PCCA: variants seen among roughly 807,000 people sequenced by gnomAD.
The protein encoded by PCCA is propionyl-CoA carboxylase subunit alpha, also known as propionyl-CoA carboxylase alpha chain, mitochondrial.
Under a neutral mutation model 101.3 loss-of-function variants are expected in PCCA, and 74 were observed. That is an observed-to-expected ratio of 0.73 (90% CI 0.61 to 0.89). The LOEUF (loss-of-function observed/expected upper bound fraction) is 0.89, where lower values mean the gene tolerates loss of function less well. Among genes scored for constraint, PCCA ranks in the 40% least tolerant of loss-of-function variants. The pLI, the probability that PCCA is intolerant of heterozygous loss-of-function variation, is 0.00. For synonymous variants in PCCA, 294 were observed against 313.6 expected, an observed-to-expected ratio of 0.94 and a Z score of 0.66; for missense variants, 891 against 907.0, an observed-to-expected ratio of 0.98 and a Z score of 0.23.
Position 100,301,567 on chromosome 13 carries a change from C to T in PCCA, c.1173C>T (p.Ile391=). 1.2e-6 allele frequency: 2 copies of T among 1,614,062 alleles called. No individual in the cohort carries two copies. Among genetic ancestry groups the T allele is most frequent in the Non-Finnish European group, 1.7e-6 (2 of 1,179,976 alleles). Residue 391 remains isoleucine (I), a synonymous_variant, in exon 13 of 24, where the codon ATC becomes ATT. Transcript: ENST00000376285. ...GGCACAAACAAGCTGATATTCGCAT[C>T]AACGGCTGGGCAGTTGAATGTCGGG... ...PLRHKQADIR[I]NGWAVECRVY...
chr13:100,510,441 T>C (rs1210140832), intron 21 of PCCA, among the ~76,000 whole-genome samples: 3 of 152,216 alleles, frequency 2.0e-5, no homozygotes, highest in Non-Finnish European at 2.9e-5. Context: ...TAAGTGTTTG[T>C]CCTAATTCAT....
chr13:100,458,361 T>C (rs1285275557), intron 21 of PCCA, among the ~76,000 whole-genome samples: 3 of 101,376 alleles, frequency 3.0e-5, no homozygotes, highest in Non-Finnish European at 5.7e-5. Flanking sequence ...ACCCCATCTC[T>C]ACACACACAC....
At chr13:100,204,976 CT>C (rs1250997744) in intron 6 of PCCA, among the ~76,000 whole-genome samples, 1 of 151,852 alleles carries the variant, frequency 6.6e-6, no homozygotes, top group Non-Finnish European at 1.5e-5. Flanking sequence ...AAATGAATCA[CT>C]TTAATGATGA....
intron 5 of PCCA, among the ~76,000 whole-genome samples, chr13:100,155,408 A>G (rs1301518985): frequency 6.6e-6 from 1 of 152,276 alleles, no homozygotes. Context: ...TTTCCGTGTA[A>G]TAAGAGCATT....
chr13:100,447,044 A>G (rs922629904), intron 20 of PCCA, among the ~76,000 whole-genome samples: 1 of 152,046 alleles, frequency 6.6e-6, no homozygotes, highest in African/African-American at 2.4e-5. Context: ...GTTCAGCTTT[A>G]TTTTTCTGCC....
intron 21 of PCCA, chr13:100,491,142 T>C (rs924040710): frequency 6.6e-6 from 1 of 152,348 alleles, no homozygotes; most frequent in Non-Finnish European, 1.5e-5. Context: ...TAGTCACTCA[T>C]GTGATTGGTT....
intron 6 of PCCA, chr13:100,198,511 C>G (rs1299546696): frequency 7.5e-6 from 1 of 133,192 alleles, no homozygotes; most frequent in African/African-American, 2.7e-5. Flanking sequence ...TTCATTCATT[C>G]ATTTTTGAGA....
chr13:100,369,643 G>A lies in PCCA; in HGVS notation c.1746+1069G>A, dbSNP rs191630373. ...CTCCTTGGTTTTCTTTAAATGTTGTGATTCACTGTATACGCCAAAATTGCT... is the reference window on the plus strand; with the variant it reads ...CTCCTTGGTTTTCTTTAAATGTTGTAATTCACTGTATACGCCAAAATTGCT... On this transcript the variant is annotated intron_variant, in intron 19 of 23. Transcript: ENST00000376285. Among the ~76,000 whole-genome samples, 34 of 152,222 alleles carry A rather than the reference G, an allele frequency of 2.2e-4. No individual in the cohort carries two copies. The East Asian group carries it at 5.4e-3, about 24-fold the overall frequency.
chr13:100,416,708 A>G (rs1174632986), intron 19 of PCCA, among the ~76,000 whole-genome samples: 1 of 151,978 alleles, frequency 6.6e-6, no homozygotes, highest in Non-Finnish European at 1.5e-5. Context: ...TATTTTTAGT[A>G]GAGACGGGGT....
intron 21 of PCCA, among the ~76,000 whole-genome samples, chr13:100,474,653 T>A (rs955947026): frequency 2.6e-5 from 4 of 152,052 alleles, no homozygotes; most frequent in African/African-American, 9.7e-5. Flanking sequence ...GCCTGGTTAA[T>A]TTTTTAGGTA....
intron 4 of PCCA, among the ~76,000 whole-genome samples, chr13:100,139,585 T>G (rs2051614569): frequency 6.6e-6 from 1 of 152,126 alleles, no homozygotes; most frequent in African/African-American, 2.4e-5. Flanking sequence ...TGGTTTCTTT[T>G]TACAAATTCT....
chr13:100,227,695 T>C (rs1322408422), intron 7 of PCCA, among the ~76,000 whole-genome samples: 2 of 152,220 alleles, frequency 1.3e-5, no homozygotes, highest in Non-Finnish European at 2.9e-5. Flanking sequence ...CTTCAGAACC[T>C]GAGTGTGCCT....
At chr13:100,212,340 T>C (rs998125922) in intron 7 of PCCA, among the ~76,000 whole-genome samples, 1 of 152,120 alleles carries the variant, frequency 6.6e-6, no homozygotes, top group Non-Finnish European at 1.5e-5. Context: ...ATATGTGGAG[T>C]AGACTCAACT....
At chr13:100,166,309 C>T (rs1566619311) in intron 6 of PCCA, among the ~76,000 whole-genome samples, 1 of 151,982 alleles carries the variant, frequency 6.6e-6, no homozygotes, top group Non-Finnish European at 1.5e-5. Context: ...ACTTCATTCC[C>T]TGTTTTGTTT....
intron 6 of PCCA, among the ~76,000 whole-genome samples, chr13:100,159,995 A>T (rs79666603): frequency 0.019 from 2,831 of 152,252 alleles, 96 homozygotes; most frequent in African/African-American, 0.065. Flanking sequence ...TTTGTGCTTT[A>T]TCTGATACAT....
In PCCA at chr13:100,530,299, G is replaced by C; in HGVS notation, c.*133G>C. 1.3e-6 allele frequency: 1 copy of C among 765,054 alleles called. No individual in the cohort carries two copies. The highest frequency in any genetic ancestry group is 2.3e-6 in the Non-Finnish European group (1 of 433,430). 47.4% of individuals were successfully genotyped at this position (765,054 alleles called of 1,614,324 possible). On this transcript the variant is annotated 3_prime_UTR_variant, in exon 24 of 24. Coordinates refer to ENST00000376285, the MANE Select transcript of PCCA (RefSeq NM_000282.4). ...TTTACGTCGTCATTTATTCCACAGA[G>C]TCAAGACCAATATTCTGCCAAAAAA... is the stretch of plus-strand genomic sequence containing the variant.
intron 21 of PCCA, among the ~76,000 whole-genome samples, chr13:100,509,323 A>C (rs2086305758): frequency 6.6e-6 from 1 of 152,338 alleles, no homozygotes; most frequent in African/African-American, 2.4e-5. Context: ...GGTCCACAGC[A>C]CTAATCTGCG....
chr13:100,260,477 AC>A (rs1238478973), intron 9 of PCCA, among the ~76,000 whole-genome samples: 1 of 150,606 alleles, frequency 6.6e-6, no homozygotes, highest in African/African-American at 2.4e-5. Flanking sequence ...GCTCACTGCA[AC>A]CTCTGCCTTT....
chr13:100,106,503 C>T (rs538845384), intron 2 of PCCA, among the ~76,000 whole-genome samples: 6 of 152,190 alleles, frequency 3.9e-5, no homozygotes, highest in South Asian at 2.1e-4. Context: ...CTCCACCTTC[C>T]GAGTTCAAGC....
Sources: allele counts gnomAD v4.1 joint callset (sites outside exome capture counted in the v4.1 genomes callset), GRCh38; gene constraint gnomAD v4.1.1; transcripts MANE v1.5; gene names NCBI Gene and HGNC (gene_info 2026-07-23, HGNC 2026-07-21).